The following SPAG16 variants were observed in gnomAD, a reference collection of about 807,000 sequenced individuals.
The protein encoded by SPAG16 is sperm-associated antigen 16 protein.
In SPAG16, 86 loss-of-function variants were observed where a neutral mutation model predicts 80.4. That is an observed-to-expected ratio of 1.07 (90% CI 0.90 to 1.28). The LOEUF (loss-of-function observed/expected upper bound fraction) is 1.28. SPAG16 is among the 50% of genes most tolerant of loss of function. The probability of loss-of-function intolerance (pLI) is 0.00; values close to 1 mark genes in which losing one functional copy is unlikely to be tolerated. For missense variants in SPAG16, 870 were observed against 765.3 expected, an observed-to-expected ratio of 1.14 and a Z score of -1.61; for synonymous variants, 294 against 265.9, an observed-to-expected ratio of 1.11 and a Z score of -1.03.
At chr2:213,421,607 T>A (rs2069592387) in intron 9 of SPAG16, among the ~76,000 whole-genome samples, 1 of 152,166 alleles carries the variant, frequency 6.6e-6, no homozygotes, top group Non-Finnish European at 1.5e-5. Context: ...TGAGGACTTG[T>A]GGTGATTTTT....
At chr2:213,288,063 A>G (rs2126046537) in intron 1 of SPAG16, among the ~76,000 whole-genome samples, 1 of 152,064 alleles carries the variant, frequency 6.6e-6, no homozygotes, top group East Asian at 1.9e-4. Context: ...GCGGCACCAT[A>G]CCCAGCTAAT....
chr2:213,649,015 A>G (rs180749901), intron 10 of SPAG16, among the ~76,000 whole-genome samples: 13 of 152,320 alleles, frequency 8.5e-5, no homozygotes, highest in Admixed American at 6.5e-4. Context: ...TGATACATGT[A>G]TGTGTTGTTA....
At chr2:214,313,279 A>C (rs1479889472) in intron 15 of SPAG16, among the ~76,000 whole-genome samples, 1 of 152,132 alleles carries the variant, frequency 6.6e-6, no homozygotes, top group Admixed American at 6.5e-5. Flanking sequence ...TACTACTACT[A>C]TCTACCAAAC....
chr2:214,401,159 C>A (rs1310102192), intron 15 of SPAG16, among the ~76,000 whole-genome samples: 1 of 151,884 alleles, frequency 6.6e-6, no homozygotes, highest in Non-Finnish European at 1.5e-5. Context: ...CCTGGTTGAG[C>A]CATTAATGCA....
At chr2:214,267,551 G>A (rs1422684014) in intron 15 of SPAG16, among the ~76,000 whole-genome samples, 2 of 151,664 alleles carry the variant, frequency 1.3e-5, no homozygotes, top group Non-Finnish European at 1.5e-5. Flanking sequence ...TATTAAAAGA[G>A]AACATAATGG....
intron 10 of SPAG16, among the ~76,000 whole-genome samples, chr2:213,740,783 G>A: frequency 6.6e-6 from 1 of 152,080 alleles, no homozygotes; most frequent in East Asian, 1.9e-4. Context: ...GGGTAAAGAT[G>A]GGGCGTGAAG....
intron 15 of SPAG16, among the ~76,000 whole-genome samples, chr2:214,310,123 C>T (rs2125976263): frequency 6.6e-6 from 1 of 150,492 alleles, no homozygotes; most frequent in South Asian, 2.1e-4. Context: ...AGTTACTGAG[C>T]TGATTCCTTC....
chr2:213,832,985 A>G (rs2073762289), intron 10 of SPAG16, among the ~76,000 whole-genome samples: 1 of 152,106 alleles, frequency 6.6e-6, no homozygotes, highest in Non-Finnish European at 1.5e-5. Context: ...TGAAATTTGT[A>G]TATATGTTTC....
chr2:213,862,241 C>T (rs2075499762), intron 10 of SPAG16, among the ~76,000 whole-genome samples: 1 of 152,104 alleles, frequency 6.6e-6, no homozygotes. Flanking sequence ...AAACCAACTA[C>T]TTTGTCTTGC....
chr2:214,345,094 AG>A (rs1697971106), intron 15 of SPAG16, among the ~76,000 whole-genome samples: 1 of 152,170 alleles, frequency 6.6e-6, no homozygotes, highest in Non-Finnish European at 1.5e-5. Context: ...AGAATGAAAT[AG>A]GTCAGTAGTC....
At chr2:214,037,374 T>A (rs2048752665) in intron 13 of SPAG16, among the ~76,000 whole-genome samples, 1 of 152,096 alleles carries the variant, frequency 6.6e-6, no homozygotes. Context: ...TTTAAAATAA[T>A]CTGTTTTTTG....
intron 10 of SPAG16, among the ~76,000 whole-genome samples, chr2:213,757,575 A>G (rs1559442851): frequency 6.6e-6 from 1 of 152,148 alleles, no homozygotes; most frequent in Non-Finnish European, 1.5e-5. Flanking sequence ...TCTGTCTGAT[A>G]TATAACTATT....
intron 12 of SPAG16, among the ~76,000 whole-genome samples, chr2:213,983,558 A>C (rs1235357898): frequency 2.0e-5 from 3 of 152,014 alleles, no homozygotes; most frequent in African/African-American, 7.2e-5. Flanking sequence ...CATAATTGTG[A>C]TGGTACTTTG....
intron 10 of SPAG16, among the ~76,000 whole-genome samples, chr2:213,687,218 C>T (rs2064723188): frequency 1.3e-5 from 2 of 152,146 alleles, no homozygotes; most frequent in Admixed American, 1.3e-4. Context: ...AATTTCTTCT[C>T]CTGGCCTTTC....
At chr2:213,596,349 G>A (rs1314620063) in intron 10 of SPAG16, among the ~76,000 whole-genome samples, 1 of 152,026 alleles carries the variant, frequency 6.6e-6, no homozygotes, top group Non-Finnish European at 1.5e-5. Context: ...TACTTTAAGG[G>A]TTATCTTTTC....
chr2:213,485,017 A>G (rs2073918376), intron 9 of SPAG16, among the ~76,000 whole-genome samples: 1 of 150,842 alleles, frequency 6.6e-6, no homozygotes, highest in South Asian at 2.1e-4. Flanking sequence ...TTTTTGAGAC[A>G]GCGTCTCATT....
chr2:214,353,515 A>G (rs1461732545), intron 15 of SPAG16, among the ~76,000 whole-genome samples: 3 of 152,156 alleles, frequency 2.0e-5, no homozygotes, highest in Admixed American at 6.5e-5. Context: ...AGGTCTCAGT[A>G]AATTCTTTCT....
At chr2:213,626,148 T>C (rs537051884) in intron 10 of SPAG16, among the ~76,000 whole-genome samples, 185 of 152,132 alleles carry the variant, frequency 1.2e-3, no homozygotes, top group Non-Finnish European at 2.2e-3. Flanking sequence ...AGAAGTTCCA[T>C]ACAAAAAAGT....
chr2:213,397,221 G>A (rs1364165167), intron 9 of SPAG16, among the ~76,000 whole-genome samples: 3 of 147,660 alleles, frequency 2.0e-5, no homozygotes, highest in African/African-American at 8.1e-5. Context: ...ACTGAATAAG[G>A]AGCCTGGGAC....
Sources: gnomAD v4.1 joint callset for allele counts (sites outside exome capture counted in the v4.1 genomes callset) on GRCh38, gnomAD v4.1.1 for gene constraint, MANE v1.5 for transcripts, NCBI Gene and HGNC (gene_info 2026-07-23, HGNC 2026-07-21) for gene names.